The following HECW2 variants were observed in gnomAD, a reference collection of about 807,000 sequenced individuals.
HECW2 encodes the protein HECT, C2 and WW domain containing E3 ubiquitin protein ligase 2, also known as E3 ubiquitin-protein ligase HECW2.
Under a neutral mutation model 175.2 loss-of-function variants are expected in HECW2, and 61 were observed. That is an observed-to-expected ratio of 0.35 (90% CI 0.28 to 0.43). The LOEUF (loss-of-function observed/expected upper bound fraction) is 0.43, where lower values mean the gene tolerates loss of function less well. Among genes scored for constraint, HECW2 ranks in the 20% least tolerant of loss-of-function variants. The pLI is 1.00. For missense variants in HECW2, 1,524 were observed against 2,000.5 expected, an observed-to-expected ratio of 0.76 and a Z score of 4.54; for synonymous variants, 671 against 731.0, an observed-to-expected ratio of 0.92 and a Z score of 1.32.
chr2:196,389,510 T>C (rs1357160696), intron 2 of HECW2, among the ~76,000 whole-genome samples: 1 of 152,138 alleles, frequency 6.6e-6, no homozygotes, highest in Non-Finnish European at 1.5e-5. Context: ...CGTCCTAAAC[T>C]GATTTAACCC....
chr2:196,331,185 T>C (rs1692344806), intron 4 of HECW2: 8 of 985,344 alleles, frequency 8.1e-6, no homozygotes, highest in South Asian at 9.4e-5. Flanking sequence ...CATCCAGGTA[T>C]CTGTTTTTCC....
At chr2:196,256,421 A>G (rs1042949311) in intron 18 of HECW2, among the ~76,000 whole-genome samples, 1 of 152,208 alleles carries the variant, frequency 6.6e-6, no homozygotes, top group African/African-American at 2.4e-5. Context: ...GAATTCTACT[A>G]CTTAACACAT....
intron 2 of HECW2, among the ~76,000 whole-genome samples, chr2:196,377,812 ACT>A (rs1694093759): frequency 6.6e-6 from 1 of 152,222 alleles, no homozygotes; most frequent in Non-Finnish European, 1.5e-5. Flanking sequence ...AGTTTTTCTC[ACT>A]GTTTCTTACC....
chr2:196,207,832 G>T (rs1295369813), intron 28 of HECW2, among the ~76,000 whole-genome samples: 1 of 152,176 alleles, frequency 6.6e-6, no homozygotes, highest in African/African-American at 2.4e-5. Context: ...GGTGCACTTG[G>T]ATCTGTAAAT....
At chr2:196,395,515 G>A (rs573138879) in intron 2 of HECW2, among the ~76,000 whole-genome samples, 31 of 152,070 alleles carry the variant, frequency 2.0e-4, no homozygotes, top group African/African-American at 6.3e-4. Flanking sequence ...ACTCAACAAC[G>A]ACAACAAAAA....
intron 1 of HECW2, among the ~76,000 whole-genome samples, chr2:196,514,044 G>A (rs1688054681): frequency 6.6e-6 from 1 of 152,200 alleles, no homozygotes. Context: ...AGGGGCAGGA[G>A]CCTCGCCCTC....
At chr2:196,238,564 C>G (rs538878896) in intron 21 of HECW2, 8 of 152,076 alleles carry the variant, frequency 5.3e-5, no homozygotes, top group African/African-American at 1.7e-4. Flanking sequence ...AAGTCTATAT[C>G]TAATAATTTA....
chr2:196,588,781 T>G (rs182242632), intron 1 of HECW2, among the ~76,000 whole-genome samples: 3 of 152,346 alleles, frequency 2.0e-5, no homozygotes, highest in African/African-American at 7.2e-5. Context: ...CCATAAATCC[T>G]AGTTTTCCTG....
chr2:196,239,364 T>A (rs1440614739), intron 21 of HECW2: 2 of 152,208 alleles, frequency 1.3e-5, no homozygotes, highest in African/African-American at 4.8e-5. Context: ...GGAGTTTTGC[T>A]TAGGTCCCAG....
At chr2:196,520,188 A>C (rs1400482201) in intron 1 of HECW2, among the ~76,000 whole-genome samples, 1 of 152,208 alleles carries the variant, frequency 6.6e-6, no homozygotes, top group African/African-American at 2.4e-5. Context: ...GCAGAAGGCT[A>C]ACAATAGAGG....
Position 196,319,422 on chromosome 2 carries a change from T to C in HECW2, c.1468A>G (p.Met490Val). 6.2e-7 allele frequency: 1 copy of C among 1,613,896 alleles called. No homozygotes were observed. The highest frequency in any genetic ancestry group is 2.2e-5 in the East Asian group (1 of 44,892). Residue 490 changes from methionine (M) to valine (V), a missense_variant, in exon 9 of 29, where the codon ATG becomes GTG. By Grantham distance (21) the Met-to-Val change is conservative (BLOSUM62 1). This residue lies in a region of HECW2 where 604 missense variants were observed against 588.3 expected (regional missense o/e 1.03). Coordinates refer to ENST00000644978, the MANE Select transcript of HECW2 (RefSeq NM_001348768.2). ...SSLEEEGGLI[M>V]FSRASRADDG... ...TCAGCTCTGGATGCCCTGCTAAACA[T>C]GATCAGGCCTCCCTCCTCCTCCAAG...
At chr2:196,272,541 C>T (rs1390108219) in intron 16 of HECW2, among the ~76,000 whole-genome samples, 1 of 152,094 alleles carries the variant, frequency 6.6e-6, no homozygotes, top group Non-Finnish European at 1.5e-5. Context: ...AGATACATGC[C>T]TTTCTTTAAC....
In HECW2 at chr2:196,246,477, C is replaced by T. The variant is rs771755468; in HGVS notation, c.3530-4273G>A. ...CTCGGGCACTGCAAGCTCCACCTCC[C>T]GGGTTCATGCCATTCTCCTGCCTCA... On this transcript the variant is annotated intron_variant, in intron 19 of 28. Coordinates refer to ENST00000644978, the MANE Select transcript of HECW2 (RefSeq NM_001348768.2). Among the ~76,000 whole-genome samples the T allele has an allele frequency of 8.6e-4, 131 of 152,164 alleles. 1 individual carries two copies. Among genetic ancestry groups the T allele is most frequent in the Non-Finnish European group, 1.6e-3 (112 of 68,020 alleles).
chr2:196,530,218 T>C (rs1274558226), intron 1 of HECW2, among the ~76,000 whole-genome samples: 9 of 152,344 alleles, frequency 5.9e-5, no homozygotes, highest in Middle Eastern at 3.4e-3. Flanking sequence ...TTAGTTTTCC[T>C]GTGCTAAGCA....
At chr2:196,419,300 T>C (rs1481389594) in intron 2 of HECW2, among the ~76,000 whole-genome samples, 1 of 152,208 alleles carries the variant, frequency 6.6e-6, no homozygotes, top group Non-Finnish European at 1.5e-5. Context: ...ACTTAAAAGA[T>C]ACACGGAATT....
chr2:196,272,971 T>C (rs190146511), intron 16 of HECW2, among the ~76,000 whole-genome samples: 1 of 151,932 alleles, frequency 6.6e-6, no homozygotes, highest in African/African-American at 2.4e-5. Context: ...GTCATGGGCA[T>C]TACATTGAAT....
intron 2 of HECW2, among the ~76,000 whole-genome samples, chr2:196,405,005 G>C (rs1242082204): frequency 2.2e-5 from 2 of 92,964 alleles, no homozygotes; most frequent in African/African-American, 7.6e-5. Context: ...TTTTTTTTTT[G>C]TATTTTTAGT....
intron 1 of HECW2, among the ~76,000 whole-genome samples, chr2:196,457,729 T>G (rs1002846756): frequency 6.6e-6 from 1 of 152,204 alleles, no homozygotes; most frequent in African/African-American, 2.4e-5. Flanking sequence ...ACAAATTTTG[T>G]AAGTCTGTGA....
chr2:196,482,609 G>T (rs1686879602), intron 1 of HECW2, among the ~76,000 whole-genome samples: 1 of 152,170 alleles, frequency 6.6e-6, no homozygotes, highest in South Asian at 2.1e-4. Flanking sequence ...GCTTGATGGT[G>T]GTGTCAAAGG....
Sources: allele counts gnomAD v4.1 joint callset (sites outside exome capture counted in the v4.1 genomes callset), GRCh38; gene constraint gnomAD v4.1.1; regional missense constraint gnomAD v4.1.1; transcripts MANE v1.5; gene names NCBI Gene and HGNC (gene_info 2026-07-23, HGNC 2026-07-21).